The following RBM26 variants were observed in gnomAD, a reference collection of about 807,000 sequenced individuals.
The protein encoded by RBM26 is RNA binding motif protein 26, also known as RNA-binding protein 26.
A neutral mutation model predicts 123.6 loss-of-function variants in RBM26; 30 were observed. That is an observed-to-expected ratio of 0.24 (90% CI 0.18 to 0.33). The LOEUF (loss-of-function observed/expected upper bound fraction) is 0.33. Ranked by LOEUF, RBM26 falls within the 10% of genes least tolerant of loss-of-function variation. The pLI, the probability that RBM26 is intolerant of heterozygous loss-of-function variation, is 1.00. For missense variants in RBM26, 947 were observed against 1,203.6 expected, an observed-to-expected ratio of 0.79 and a Z score of 3.15; for synonymous variants, 400 against 404.4, an observed-to-expected ratio of 0.99 and a Z score of 0.13.
At chr13:79,366,486 G>T in intron 7 of RBM26, 147 bp downstream of exon 7, 1 of 830,284 alleles carries the variant, frequency 1.2e-6, no homozygotes. Flanking sequence ...AAGTGGAGGT[G>T]TATTCCAAAT....
intron 9 of RBM26, among the ~76,000 whole-genome samples, chr13:79,361,772 C>T (rs1179715561): frequency 2.0e-5 from 3 of 152,170 alleles, no homozygotes; most frequent in African/African-American, 7.2e-5. Context: ...TACTTTGATG[C>T]TGACATTTGT....
rs1306088231 is a variant in RBM26 at position 79,384,055 on chromosome 13, G to A, written c.72-5148C>T. ...CAGGAGTCCAGTGAAATGGAGCAAA[G>A]TGAGCATTCACGAACACTGGGGTTT... On this transcript the variant is annotated intron_variant, in intron 1 of 21. Transcript: ENST00000438737. Among the ~76,000 whole-genome samples, 4 of 152,280 alleles carry A rather than the reference G, an allele frequency of 2.6e-5. 1 individual carries two copies. The East Asian group carries it at 7.7e-4, about 29-fold the overall frequency.
intron 4 of RBM26, 105 bp downstream of exon 4, chr13:79,371,737 G>T: frequency 1.3e-6 from 1 of 744,102 alleles, no homozygotes; most frequent in Admixed American, 2.5e-5. Context: ...ACCAATAAAA[G>T]AGTAGATATT....
intron 10 of RBM26, 56 bp from the exon 11 acceptor site, chr13:79,358,489 T>G: frequency 7.5e-7 from 1 of 1,332,582 alleles, no homozygotes; most frequent in Admixed American, 2.2e-5. Context: ...CCTAACCAAA[T>G]ACAAGGGAAT....
chr13:79,366,990 A>C (rs1391763981), intron 6 of RBM26, 118 bp from the exon 7 acceptor site: 1 of 821,114 alleles, frequency 1.2e-6, no homozygotes, highest in Non-Finnish European at 1.8e-6. Context: ...GGACAAAAGT[A>C]TAATTAACCA....
At chr13:79,359,874 C>T (rs1198297155) in intron 9 of RBM26, among the ~76,000 whole-genome samples, 188 bp from the exon 10 acceptor site, 1 of 150,900 alleles carries the variant, frequency 6.6e-6, no homozygotes, top group East Asian at 1.9e-4. Flanking sequence ...TTCATTTTTA[C>T]GATTTCAGTT....
chr13:79,349,405 T>C (rs748305496), intron 14 of RBM26, among the ~76,000 whole-genome samples: 12 of 152,136 alleles, frequency 7.9e-5, no homozygotes, highest in Non-Finnish European at 1.5e-4. Context: ...CTTTTTAAGA[T>C]TCCACATATA....
rs56071300 is a variant in RBM26 at position 79,319,949 on chromosome 13, C to CTTTTTTT, written c.*665_*671dup. The CTTTTTTT allele has an allele frequency of 5.2e-4, 60 of 116,070 alleles. No homozygotes were observed. Among genetic ancestry groups the CTTTTTTT allele is most frequent in the East Asian group, 2.1e-3 (1 of 482 alleles). The allele number at this position is 116,070 out of a possible 1,614,324, so 7.2% of individuals were successfully genotyped here. A position where few individuals can be genotyped will look rare whatever the true frequency, so the allele number is the denominator to read the frequency against. On this transcript the variant is annotated 3_prime_UTR_variant, in exon 22 of 22. Coordinates refer to ENST00000438737, the MANE Select transcript of RBM26 (RefSeq NM_001366735.2). ...TTTAAATCAAGGAACATTGTCTTGG[C>CTTTTTTT]TTTTTTTTTTTTTTTTTTTTTGTCA... is the stretch of plus-strand genomic sequence containing the variant.
chr13:79,329,707 C>T (rs2068992668), intron 20 of RBM26, among the ~76,000 whole-genome samples: 1 of 152,108 alleles, frequency 6.6e-6, no homozygotes, highest in South Asian at 2.1e-4. Flanking sequence ...GACTGCATAA[C>T]ACCAATCAAG....
Position 79,367,837 on chromosome 13 carries a change from C to CA in RBM26, c.895+892dup, listed in dbSNP as rs1246812823. Among the ~76,000 whole-genome samples, 421 of 151,036 alleles carry CA rather than the reference C, an allele frequency of 2.8e-3. 2 individuals are homozygous for CA. The highest frequency in any genetic ancestry group is 9.8e-3 in the African/African-American group (405 of 41,212). On this transcript the variant is annotated intron_variant, in intron 6 of 21. Coordinates refer to ENST00000438737, the MANE Select transcript of RBM26 (RefSeq NM_001366735.2). ...AACTAACGTATACATACTAAAAAAA[C>CA]AAAAAAAACACACAAATGAAAATAA... is the stretch of plus-strand genomic sequence containing the variant.
At chr13:79,345,859 A>G (rs371544577) in intron 14 of RBM26, among the ~76,000 whole-genome samples, 34 of 152,318 alleles carry the variant, frequency 2.2e-4, no homozygotes, top group Non-Finnish European at 4.3e-4. Flanking sequence ...TCAAAAAAAA[A>G]AAGTATTGGG....
intron 3 of RBM26, among the ~76,000 whole-genome samples, chr13:79,372,631 A>T (rs2076016017): frequency 6.7e-6 from 1 of 148,832 alleles, no homozygotes; most frequent in Non-Finnish European, 1.5e-5. Context: ...ACATCAAGGA[A>T]TATAGGAGAA....
intron 3 of RBM26, among the ~76,000 whole-genome samples, chr13:79,372,405 G>A (rs9601221): frequency 0.02 from 2,983 of 151,918 alleles, 77 homozygotes; most frequent in African/African-American, 0.067. Flanking sequence ...ATATAACGTA[G>A]AAGCAAAATT....
chr13:79,401,767 T>C (rs1165781908), intron 1 of RBM26, among the ~76,000 whole-genome samples: 2 of 152,152 alleles, frequency 1.3e-5, no homozygotes, highest in Non-Finnish European at 2.9e-5. Context: ...ATTATACCAA[T>C]AAGGAAAGAG....
At chr13:79,376,266 C>G (rs2076661563) in intron 3 of RBM26, 1 of 153,324 alleles carries the variant, frequency 6.5e-6, no homozygotes, top group African/African-American at 2.4e-5. Flanking sequence ...ATGCTTTGAT[C>G]TGCACCCTCA....
At chr13:79,377,949 A>G (rs769983572) in intron 2 of RBM26, among the ~76,000 whole-genome samples, 2 of 152,180 alleles carry the variant, frequency 1.3e-5, no homozygotes, top group Non-Finnish European at 2.9e-5. Context: ...AGTAAAAAGA[A>G]AGAAAATATC....
intron 1 of RBM26, among the ~76,000 whole-genome samples, chr13:79,388,975 A>G (rs902904021): frequency 6.6e-6 from 1 of 152,234 alleles, no homozygotes; most frequent in Non-Finnish European, 1.5e-5. Context: ...TGAAGTATAT[A>G]TTAATGCTAT....
Position 79,381,339 on chromosome 13 carries a change from TAC to T in RBM26, c.72-2434_72-2433del, listed in dbSNP as rs552669600. Among the ~76,000 whole-genome samples the T allele has an allele frequency of 6.4e-3, 974 of 152,148 alleles. 14 individuals are homozygous for T. Among genetic ancestry groups the T allele is most frequent in the African/African-American group, 0.022 (923 of 41,526 alleles). ...AATTTACTTTTTAAACACCTAGAGTTACAGTCACTCCCTATCAACCAAATCAA... is the reference window on the plus strand; with the variant it reads ...AATTTACTTTTTAAACACCTAGAGTTAGTCACTCCCTATCAACCAAATCAA... On this transcript the variant is annotated intron_variant, in intron 1 of 21. Transcript: ENST00000438737.
intron 1 of RBM26, among the ~76,000 whole-genome samples, chr13:79,393,472 TTC>T (rs1169824084): frequency 6.6e-6 from 1 of 152,202 alleles, no homozygotes; most frequent in Non-Finnish European, 1.5e-5. Flanking sequence ...GAATTCTTTC[TTC>T]TGAGACAAGA....
Sources: allele counts gnomAD v4.1 joint callset (sites outside exome capture counted in the v4.1 genomes callset), GRCh38; gene constraint gnomAD v4.1.1; transcripts MANE v1.5; gene names NCBI Gene and HGNC (gene_info 2026-07-23, HGNC 2026-07-21).